HYDIN: variants seen among roughly 807,000 people sequenced by gnomAD.
HYDIN encodes the protein axonemal central pair apparatus protein HYDIN.
HYDIN carries 132 observed loss-of-function variants against 403.9 expected under a neutral mutation model. The ratio of observed to expected loss-of-function variants is 0.33; its 90% CI spans 0.28 to 0.38. HYDIN has a LOEUF of 0.38. Among genes scored for constraint, HYDIN ranks in the 10% least tolerant of loss-of-function variants. HYDIN has a pLI of 1.00. For missense variants in HYDIN, 2,827 were observed against 5,009.5 expected, an observed-to-expected ratio of 0.56 and a Z score of 13.15; for synonymous variants, 1,202 against 1,891.7, an observed-to-expected ratio of 0.64 and a Z score of 9.46.
chr16:71,093,857 T>A lies in HYDIN; in HGVS notation c.1406A>T (p.Asp469Val). Residue 469 changes from aspartate (D) to valine (V), a missense_variant, in exon 11 of 86, where the codon GAT becomes GTT. By Grantham distance (152) the Asp-to-Val change is radical (BLOSUM62 -3). Transcript: ENST00000393567. Reference sequence around the variant, plus strand: ...AGATCCAGTGAAAACTTTCCCAATATCCAGCAATTCAAAGTTGAAGTGAAT... The same window carrying A: ...AGATCCAGTGAAAACTTTCCCAATAACCAGCAATTCAAAGTTGAAGTGAAT... ...PKIHFNFELLDIGKVFTGSAH... is the reference protein window; with the variant it reads ...PKIHFNFELLVIGKVFTGSAH... 1 of 1,613,702 alleles carries A rather than the reference T, an allele frequency of 6.2e-7. No homozygotes were observed. Among genetic ancestry groups the A allele is most frequent in the Non-Finnish European group, 8.5e-7 (1 of 1,179,794 alleles).
chr16:71,163,448 C>T (rs1030237295), intron 5 of HYDIN, among the ~76,000 whole-genome samples: 2 of 152,274 alleles, frequency 1.3e-5, no homozygotes, highest in African/African-American at 4.8e-5. Context: ...TGGCCTCTTT[C>T]TGCCTATACT....
At chr16:70,904,531 G>GTTTTTTTTTT (rs1567802705) in intron 50 of HYDIN, among the ~76,000 whole-genome samples, 19 of 22,740 alleles carry the variant, frequency 8.4e-4, no homozygotes, top group Admixed American at 2.2e-3. Context: ...AGGGAGTTTC[G>GTTTTTTTTTT]TTCTTGTTGC....
chr16:71,011,655 T>A (rs967468836), intron 23 of HYDIN, among the ~76,000 whole-genome samples: 3 of 151,428 alleles, frequency 2.0e-5, no homozygotes, highest in African/African-American at 7.3e-5. Context: ...TGCCCAGGAG[T>A]TTAAGGGTGT....
intron 7 of HYDIN, among the ~76,000 whole-genome samples, chr16:71,151,262 T>C (rs535166760): frequency 1.2e-4 from 18 of 152,178 alleles, no homozygotes; most frequent in Admixed American, 7.2e-4. Context: ...ACAAAACAGA[T>C]AGACCACATC....
intron 1 of HYDIN, among the ~76,000 whole-genome samples, chr16:71,229,580 C>T (rs1278128210): frequency 6.6e-6 from 1 of 152,210 alleles, no homozygotes; most frequent in African/African-American, 2.4e-5. Flanking sequence ...AAATGAGCTA[C>T]TGTTACATAC....
At chr16:70,893,552 C>G (rs2041603719) in intron 55 of HYDIN, 1 of 150,622 alleles carries the variant, frequency 6.6e-6, no homozygotes, top group Admixed American at 6.6e-5. Context: ...GGGTCTCGCT[C>G]TGTTGCTGAG....
chr16:70,826,494 ACT>A (rs988265736), intron 83 of HYDIN, among the ~76,000 whole-genome samples: 17 of 151,746 alleles, frequency 1.1e-4, no homozygotes, highest in African/African-American at 1.2e-4. Context: ...TGCTTTAATA[ACT>A]CTTTCTTTTC....
chr16:70,843,528 C>A (rs962963442), intron 75 of HYDIN, among the ~76,000 whole-genome samples: 4 of 140,920 alleles, frequency 2.8e-5, no homozygotes, highest in African/African-American at 9.1e-5. Flanking sequence ...TTTATAGCAG[C>A]ATGATTTATA....
intron 84 of HYDIN, among the ~76,000 whole-genome samples, chr16:70,816,939 T>C (rs12051509): frequency 7.8e-6 from 1 of 127,542 alleles, no homozygotes; most frequent in East Asian, 2.1e-4. Context: ...CATCTGTGAG[T>C]TCAAGAAAGA....
At chr16:71,111,389 A>C (rs575647074) in intron 10 of HYDIN, among the ~76,000 whole-genome samples, 1 of 152,224 alleles carries the variant, frequency 6.6e-6, no homozygotes, top group African/African-American at 2.4e-5. Context: ...CCTCTGCAAG[A>C]AAGTTCCAAA....
At chr16:71,056,698 C>T (rs1053356404) in intron 18 of HYDIN, among the ~76,000 whole-genome samples, 5 of 152,282 alleles carry the variant, frequency 3.3e-5, no homozygotes, top group Admixed American at 2.0e-4. Context: ...CCTCCTGTCA[C>T]AGCATCCAAC....
At chr16:71,175,467 C>CA in intron 5 of HYDIN, 140 bp downstream of exon 5, 1 of 905,778 alleles carries the variant, frequency 1.1e-6, no homozygotes, top group Non-Finnish European at 1.7e-6. Flanking sequence ...AACAACAACA[C>CA]AAATGTCAAT....
chr16:71,191,503 T>C (rs936751549), intron 1 of HYDIN, among the ~76,000 whole-genome samples: 5 of 152,142 alleles, frequency 3.3e-5, no homozygotes, highest in South Asian at 2.1e-4. Flanking sequence ...AAGGCTGTTA[T>C]AACCAGCAAA....
At chr16:71,216,943 G>A (rs565957593) in intron 1 of HYDIN, among the ~76,000 whole-genome samples, 26 of 152,296 alleles carry the variant, frequency 1.7e-4, no homozygotes, top group African/African-American at 6.0e-4. Context: ...TATCAGTGAG[G>A]ACTAGACATC....
chr16:70,844,694 T>C (rs993855674), intron 75 of HYDIN, among the ~76,000 whole-genome samples: 1 of 138,084 alleles, frequency 7.2e-6, no homozygotes, highest in African/African-American at 2.8e-5. Flanking sequence ...TGTTCTTCCA[T>C]TTGTTTGTAT....
At chr16:71,067,442 C>T in intron 14 of HYDIN, 52 bp from the exon 15 acceptor site, 3 of 1,129,704 alleles carry the variant, frequency 2.7e-6, no homozygotes, top group South Asian at 2.6e-5. Flanking sequence ...GTTCTCTCTA[C>T]ACGGGGGAGG....
At chr16:70,902,821 A>ATATATTTTTTTTTTTTTTTTTTTTTTTTT in intron 52 of HYDIN, among the ~76,000 whole-genome samples, 1 of 47,318 alleles carries the variant, frequency 2.1e-5, no homozygotes, top group Non-Finnish European at 3.6e-5. Flanking sequence ...ATATATATAT[A>ATATATTTTTTTTTTTTTTTTTTTTTTTTT]TTTTTTTTTT....
At chr16:71,152,130 G>A (rs1823946856) in intron 7 of HYDIN, among the ~76,000 whole-genome samples, 1 of 150,346 alleles carries the variant, frequency 6.7e-6, no homozygotes, top group South Asian at 2.1e-4. Context: ...GGCTCCTGGG[G>A]ATGGGCTCCT....
chr16:71,188,615 CAT>C lies in HYDIN; in HGVS notation c.-23-1699_-23-1698del, dbSNP rs372209545. Among the ~76,000 whole-genome samples, 266 of 152,214 alleles carry C rather than the reference CAT, an allele frequency of 1.7e-3. 3 individuals carry two copies. Among genetic ancestry groups the C allele is most frequent in the Middle Eastern group, 6.8e-3 (2 of 294 alleles). On this transcript the variant is annotated intron_variant, in intron 1 of 85. Coordinates refer to ENST00000393567, the MANE Select transcript of HYDIN (RefSeq NM_001270974.2). ...GCACCAAAATAGCACAAAAACCATC[CAT>C]ATAAAGCAGAAATTATGGGAGATGC...
Sources: allele counts gnomAD v4.1 joint callset (sites outside exome capture counted in the v4.1 genomes callset), GRCh38; gene constraint gnomAD v4.1.1; transcripts MANE v1.5; gene names NCBI Gene and HGNC (gene_info 2026-07-23, HGNC 2026-07-21).